The following OSGEPL1 variants were observed in gnomAD, a reference collection of about 807,000 sequenced individuals.
The protein encoded by OSGEPL1 is O-sialoglycoprotein endopeptidase like 1.
OSGEPL1 carries 26 observed loss-of-function variants against 37.2 expected under a neutral mutation model. The observed-to-expected ratio is 0.70, with a 90% CI of 0.51 to 0.97. The LOEUF (loss-of-function observed/expected upper bound fraction) is 0.97. Ranked by LOEUF, OSGEPL1 falls within the 50% of genes least tolerant of loss-of-function variation. OSGEPL1 has a pLI of 0.00. For synonymous variants in OSGEPL1, 140 were observed against 159.9 expected, an observed-to-expected ratio of 0.88 and a Z score of 0.94; for missense variants, 404 against 487.0, an observed-to-expected ratio of 0.83 and a Z score of 1.60.
Position 189,752,991 on chromosome 2 carries a change from G to A in OSGEPL1, c.964-12C>T. ...CCACCAGATGCAACCTGAAGGAATT[G>A]AGAAAACCAAAATAACTATCATATA... On this transcript the variant is annotated splice_polypyrimidine_tract_variant and intron_variant, in intron 5 of 8. Coordinates refer to ENST00000264151, the MANE Select transcript of OSGEPL1 (RefSeq NM_022353.3). The A allele has an allele frequency of 6.3e-7, 1 of 1,596,432 alleles. No individual in the cohort carries two copies. Among genetic ancestry groups the A allele is most frequent in the South Asian group, 1.1e-5 (1 of 87,642 alleles).
chr2:189,750,208 G>C (rs2105957332), intron 8 of OSGEPL1, among the ~76,000 whole-genome samples: 1 of 152,240 alleles, frequency 6.6e-6, no homozygotes, highest in East Asian at 1.9e-4. Flanking sequence ...TTAAAAAATA[G>C]CTTCTCCTAT....
chr2:189,758,804 G>T (rs2046491615), intron 2 of OSGEPL1, among the ~76,000 whole-genome samples: 1 of 152,182 alleles, frequency 6.6e-6, no homozygotes. Context: ...ACAAGCAAAT[G>T]TATAAATTGT....
intron 2 of OSGEPL1, among the ~76,000 whole-genome samples, chr2:189,757,088 T>C (rs1162568086): frequency 6.6e-6 from 1 of 152,200 alleles, no homozygotes; most frequent in African/African-American, 2.4e-5. Context: ...TTTTTGTCTA[T>C]GATTTGTAGA....
intron 2 of OSGEPL1, among the ~76,000 whole-genome samples, chr2:189,760,832 T>G (rs2106093737): frequency 1.3e-5 from 2 of 152,250 alleles, no homozygotes; most frequent in East Asian, 3.9e-4. Flanking sequence ...CCATTTTCCC[T>G]TGAAAATTAT....
At chr2:189,762,383 A>T (rs116562500) in intron 1 of OSGEPL1, 268 of 171,254 alleles carry the variant, frequency 1.6e-3, no homozygotes, top group African/African-American at 6.0e-3. Flanking sequence ...TCTCCACCAC[A>T]CTAAAGGGAC....
At chr2:189,749,956 T>C (rs557707367) in intron 8 of OSGEPL1, among the ~76,000 whole-genome samples, 1 of 152,130 alleles carries the variant, frequency 6.6e-6, no homozygotes, top group East Asian at 1.9e-4. Flanking sequence ...ACCCCATCTC[T>C]ACTAAAAAAA....
chr2:189,755,048 A>AT, intron 3 of OSGEPL1, 125 bp downstream of exon 3: 10 of 1,170,994 alleles, frequency 8.5e-6, no homozygotes, highest in Non-Finnish European at 1.2e-5. Context: ...CCATATGTGA[A>AT]TTTTTTTCAG....
At chr2:189,759,415 AT>A (rs564020719) in intron 2 of OSGEPL1, among the ~76,000 whole-genome samples, 3 of 151,762 alleles carry the variant, frequency 2.0e-5, no homozygotes, top group African/African-American at 4.8e-5. Flanking sequence ...CGCCTGGCTA[AT>A]TTTTTTTGTA....
In OSGEPL1 at chr2:189,754,005, T is replaced by G. The variant is rs367604671; in HGVS notation, c.874A>C (p.Thr292Pro). ...AADIAATVQHTMACHLVKRTH... is the reference protein window; with the variant it reads ...AADIAATVQHPMACHLVKRTH... ...CTTTTCACAAGATGACATGCCATTGTGTGCTGTACTGTGGCAGCAATGTCT... is the reference window on the plus strand; with the variant it reads ...CTTTTCACAAGATGACATGCCATTGGGTGCTGTACTGTGGCAGCAATGTCT... Residue 292 changes from threonine to proline, a missense_variant, in exon 5 of 9, where the codon ACA becomes CCA. Physicochemically the swap from Thr to Pro is conservative, Grantham distance 38. Transcript: ENST00000264151. The G allele has an allele frequency of 1.9e-6, 3 of 1,613,622 alleles. No homozygotes were observed. In the African/African-American group the frequency reaches 4.0e-5, roughly 22 times the overall value.
intron 1 of OSGEPL1, among the ~76,000 whole-genome samples, chr2:189,761,906 A>G (rs767455020): frequency 2.0e-5 from 3 of 152,158 alleles, no homozygotes; most frequent in African/African-American, 7.2e-5. Context: ...CTACCAAAAG[A>G]CTTACTATTA....
chr2:189,754,426 T>G, intron 3 of OSGEPL1, 81 bp from the exon 4 acceptor site: 1 of 1,328,316 alleles, frequency 7.5e-7, no homozygotes, highest in Non-Finnish European at 1.0e-6. Context: ...AATTGAAAAT[T>G]ACTAACAAAA....
intron 2 of OSGEPL1, among the ~76,000 whole-genome samples, chr2:189,760,608 T>A (rs555951211): frequency 6.6e-6 from 1 of 152,014 alleles, no homozygotes; most frequent in Non-Finnish European, 1.5e-5. Flanking sequence ...CTGGCCAACA[T>A]GGTGAAACCC....
intron 3 of OSGEPL1, chr2:189,754,920 T>C (rs1239625169): frequency 4.3e-6 from 2 of 462,518 alleles, no homozygotes; most frequent in Admixed American, 8.2e-5. Context: ...TTTGGCAAAA[T>C]ACATAACTGT....
chr2:189,760,217 T>A (rs1574924344), intron 2 of OSGEPL1, among the ~76,000 whole-genome samples: 1 of 152,342 alleles, frequency 6.6e-6, no homozygotes, highest in East Asian at 1.9e-4. Context: ...TTCCCCCTTT[T>A]CTATTCGACA....
rs2045964721 is a variant in OSGEPL1 at position 189,755,645 on chromosome 2, A to G, written c.222-85T>C. On this transcript the variant is annotated intron_variant, in intron 2 of 8. Coordinates refer to ENST00000264151, the MANE Select transcript of OSGEPL1 (RefSeq NM_022353.3). The stretch of plus-strand genomic sequence containing the variant: ...TATTACAGCTAAAAGCATGTCTTCA[A>G]GTTAATCATTATATAGCTGAGTAAG... 6 of 1,409,532 alleles carry G rather than the reference A, an allele frequency of 4.3e-6. No individual in the cohort carries two copies. The Admixed American group carries it at 1.6e-4, about 39-fold the overall frequency. The allele number at this position is 1,409,532 out of a possible 1,614,324, so 87.3% of individuals were successfully genotyped here. A position where few individuals can be genotyped will look rare whatever the true frequency, so the allele number is the denominator to read the frequency against.
chr2:189,759,021 C>G (rs1041037215), intron 2 of OSGEPL1, among the ~76,000 whole-genome samples: 2 of 152,156 alleles, frequency 1.3e-5, no homozygotes, highest in African/African-American at 4.8e-5. Flanking sequence ...CTTGTTTTTC[C>G]TTATGCTATG....
intron 8 of OSGEPL1, among the ~76,000 whole-genome samples, chr2:189,748,947 A>G (rs1190596450): frequency 6.6e-6 from 1 of 152,048 alleles, no homozygotes; most frequent in Non-Finnish European, 1.5e-5. Context: ...AATCTCCCCT[A>G]TAAAGATTAT....
In OSGEPL1 at chr2:189,762,710, C is replaced by T; in HGVS notation, c.-46G>A. The T allele has an allele frequency of 3.0e-6, 3 of 985,356 alleles. No individual in the cohort carries two copies. The highest frequency in any genetic ancestry group is 3.6e-6 in the Non-Finnish European group (3 of 829,954). The allele number at this position is 985,356 out of a possible 1,614,324, so 61.0% of individuals were successfully genotyped here. On this transcript the variant is annotated 5_prime_UTR_variant, in exon 1 of 9. Transcript: ENST00000264151. Reference sequence around the variant, plus strand: ...CTTCCACTTGGGCGGCAGTAGCTAGCACTTGTCTCCTTTCCCTACTAAAGA... The same window carrying T: ...CTTCCACTTGGGCGGCAGTAGCTAGTACTTGTCTCCTTTCCCTACTAAAGA...
rs748631117 is a variant in OSGEPL1 at position 189,753,998 on chromosome 2, G to A, written c.881C>T (p.Ala294Val). ...DIAATVQHTM[A>V]CHLVKRTHRA... ...ATGTGTTCTTTTCACAAGATGACAT[G>A]CCATTGTGTGCTGTACTGTGGCAGC... Residue 294 changes from alanine (A) to valine (V), a missense_variant, in exon 5 of 9, where the codon GCA becomes GTA. Ala to Val is a moderately conservative substitution (Grantham distance 64, BLOSUM62 0). Transcript: ENST00000264151. 4 of 1,613,594 alleles carry A rather than the reference G, an allele frequency of 2.5e-6. No individual in the cohort carries two copies. Among genetic ancestry groups the A allele is most frequent in the Middle Eastern group, 1.6e-4 (1 of 6,084 alleles).
Sources: gnomAD v4.1 joint callset for allele counts (sites outside exome capture counted in the v4.1 genomes callset) on GRCh38, gnomAD v4.1.1 for gene constraint, MANE v1.5 for transcripts, NCBI Gene and HGNC (gene_info 2026-07-23, HGNC 2026-07-21) for gene names.